Variants in SPPL2A observed in about 807,000 individuals in gnomAD.
SPPL2A encodes the protein signal peptide peptidase-like 2A.
A neutral mutation model predicts 63.8 loss-of-function variants in SPPL2A; 51 were observed. That is an observed-to-expected ratio of 0.80 (90% CI 0.64 to 1.01). SPPL2A has a LOEUF of 1.01. SPPL2A is among the 50% of genes least tolerant of loss of function. The probability of loss-of-function intolerance (pLI) is 0.00; values close to 1 mark genes in which losing one functional copy is unlikely to be tolerated. For missense variants in SPPL2A, 553 were observed against 622.7 expected (o/e 0.89, Z 1.19); for synonymous variants, 188 against 205.8 (o/e 0.91, Z 0.74).
At chr15:50,742,286 A>G (rs1343643176) in intron 5 of SPPL2A, among the ~76,000 whole-genome samples, 1 of 152,024 alleles carries the variant, frequency 6.6e-6, no homozygotes, top group Non-Finnish European at 1.5e-5. Context: ...GGTGCATGGG[A>G]GGCTGAGGCA....
At chr15:50,723,917 G>A (rs1231709552) in intron 12 of SPPL2A, among the ~76,000 whole-genome samples, 2 of 152,128 alleles carry the variant, frequency 1.3e-5, no homozygotes, top group Admixed American at 6.6e-5. Context: ...CTGCTCTTTG[G>A]AGAAATATTT....
intron 14 of SPPL2A, among the ~76,000 whole-genome samples, chr15:50,711,204 TC>T (rs1299538552): frequency 5.2e-4 from 76 of 145,590 alleles, no homozygotes; most frequent in African/African-American, 1.8e-3. Flanking sequence ...CAAATTAGTA[TC>T]CTTTTTTTTT....
intron 5 of SPPL2A, among the ~76,000 whole-genome samples, chr15:50,740,175 T>C (rs2062807224): frequency 6.6e-6 from 1 of 152,048 alleles, no homozygotes; most frequent in South Asian, 2.1e-4. Flanking sequence ...ATGCCTGTAA[T>C]CCCAGCACTT....
intron 1 of SPPL2A, among the ~76,000 whole-genome samples, chr15:50,761,339 G>A (rs905568356): frequency 6.6e-5 from 10 of 152,240 alleles, no homozygotes; most frequent in South Asian, 4.1e-4. Flanking sequence ...CAGAGCTGCC[G>A]GGCACGGTGG....
chr15:50,736,743 G>GA lies in SPPL2A; in HGVS notation c.734-4dup, dbSNP rs1232208900. 3.3e-6 allele frequency: 5 copies of GA among 1,517,494 alleles called. No homozygotes were observed. Among genetic ancestry groups the GA allele is most frequent in the East Asian group, 2.3e-5 (1 of 44,178 alleles). The allele number at this position is 1,517,494 out of a possible 1,614,324, so 94.0% of individuals were successfully genotyped here. ...GAAAATTGCTATCATAACATAAACT[G>GA]AAAAAAACAAAACACTAAATTACAT... is the stretch of plus-strand genomic sequence containing the variant. On this transcript the variant is annotated splice_polypyrimidine_tract_variant and splice_region_variant and intron_variant, in intron 6 of 14. Transcript: ENST00000261854.
In SPPL2A at chr15:50,722,152, A is replaced by G. The variant is rs2062653531; in HGVS notation, c.1299T>C (p.Ser433=). 1 of 1,597,564 alleles carries G rather than the reference A, an allele frequency of 6.3e-7. No homozygotes were observed. Among genetic ancestry groups the G allele is most frequent in the African/African-American group, 1.3e-5 (1 of 74,798 alleles). The change falls in exon 13 of 15, where the codon TCT becomes TCC. Residue 433 remains serine, a synonymous_variant. Transcript: ENST00000261854. ...CRRFDVQTGS[S]YIYYVSSTVA... Reference sequence around the variant, plus strand: ...CTGTAGACGAAACATAGTATATGTAAGAAGAACCAGTCTGAACATCAAATC... The same window carrying G: ...CTGTAGACGAAACATAGTATATGTAGGAAGAACCAGTCTGAACATCAAATC...
chr15:50,737,699 T>A (rs1284741584), intron 6 of SPPL2A, among the ~76,000 whole-genome samples: 1 of 152,014 alleles, frequency 6.6e-6, no homozygotes, highest in Non-Finnish European at 1.5e-5. Flanking sequence ...GTGATCCACT[T>A]ACTTTGGCCT....
intron 14 of SPPL2A, among the ~76,000 whole-genome samples, chr15:50,710,284 G>A (rs1374797646): frequency 1.3e-5 from 2 of 152,112 alleles, no homozygotes; most frequent in Admixed American, 1.3e-4. Flanking sequence ...ACAGTAGGTA[G>A]TGAGTCAGTC....
chr15:50,734,391 T>C (rs2062754092), intron 8 of SPPL2A, among the ~76,000 whole-genome samples: 1 of 152,160 alleles, frequency 6.6e-6, no homozygotes, highest in Admixed American at 6.6e-5. Context: ...GACATCATGT[T>C]AAGTGAAATA....
chr15:50,750,585 A>G (rs893306999), intron 1 of SPPL2A, among the ~76,000 whole-genome samples: 4 of 152,228 alleles, frequency 2.6e-5, no homozygotes, highest in African/African-American at 9.6e-5. Flanking sequence ...AAAAAGACCA[A>G]TCCAGAATTT....
chr15:50,756,204 C>CA (rs1390521503), intron 1 of SPPL2A, among the ~76,000 whole-genome samples: 1 of 151,274 alleles, frequency 6.6e-6, no homozygotes, highest in African/African-American at 2.4e-5. Flanking sequence ...ACTAAAAATA[C>CA]AAAAAAATTA....
intron 1 of SPPL2A, among the ~76,000 whole-genome samples, chr15:50,751,369 G>A (rs953054977): frequency 2.6e-5 from 4 of 152,118 alleles, no homozygotes; most frequent in African/African-American, 7.2e-5. Context: ...AGTCACTAAC[G>A]TAACCTACCT....
Position 50,726,373 on chromosome 15 carries a change from C to T in SPPL2A, c.1094G>A (p.Gly365Asp), listed in dbSNP as rs1312802026. 1.2e-6 allele frequency: 2 copies of T among 1,613,420 alleles called. No homozygotes were observed. Among genetic ancestry groups the T allele is most frequent in the Non-Finnish European group, 1.7e-6 (2 of 1,179,518 alleles). The change falls in exon 11 of 15, where the codon GGT becomes GAT. Residue 365 changes from glycine to aspartate, a missense_variant. Transcript: ENST00000261854. ...VFITPFITKN[G>D]ESIMVELAAG... Reference sequence around the variant, plus strand: ...TGCGAGTTCAACCATGATACTCTCACCATTCTAAAATTGAGAAGGAAAAGA... The same window carrying T: ...TGCGAGTTCAACCATGATACTCTCATCATTCTAAAATTGAGAAGGAAAAGA...
At position 50,709,204 on chromosome 15, in the gene SPPL2A, GTATT is replaced by G. The variant is rs71787604; in HGVS notation, c.1489-1334_1489-1331del. On this transcript the variant is annotated intron_variant, in intron 14 of 14. Coordinates refer to ENST00000261854, the MANE Select transcript of SPPL2A (RefSeq NM_032802.4). Reference sequence around the variant, plus strand: ...ATACAATTACTAAAAATAGAAAAAAGTATTTAATGCCTTTGTGAAGACTGTTAAA... The same window carrying G: ...ATACAATTACTAAAAATAGAAAAAAGTAATGCCTTTGTGAAGACTGTTAAA... Among the ~76,000 whole-genome samples the G allele has an allele frequency of 8.3e-3, 1,268 of 152,192 alleles. 27 individuals are homozygous for G. Among genetic ancestry groups the G allele is most frequent in the African/African-American group, 0.029 (1,215 of 41,530 alleles).
At position 50,703,291 on chromosome 15, in the gene SPPL2A, A is replaced by G. The variant is rs1461218332; in HGVS notation, c.*4509T>C. The stretch of plus-strand genomic sequence containing the variant: ...TTGGTTAAGATCAGGCTGAAATTTT[A>G]GAGATTAAGCCTAAATAAATTAGTT... On this transcript the variant is annotated 3_prime_UTR_variant, in exon 15 of 15. Coordinates refer to ENST00000261854, the MANE Select transcript of SPPL2A (RefSeq NM_032802.4). 5.5e-5 allele frequency: 8 copies of G among 144,578 alleles called. No individual in the cohort carries two copies. The highest frequency in any genetic ancestry group is 1.8e-4 in the African/African-American group (7 of 39,426). 9.0% of individuals were successfully genotyped at this position (144,578 alleles called of 1,614,324 possible). A position where few individuals can be genotyped will look rare whatever the true frequency, so the allele number is the denominator to read the frequency against.
chr15:50,722,066 G>A (rs2062652398), intron 13 of SPPL2A, 58 bp downstream of exon 13: 1 of 959,846 alleles, frequency 1.0e-6, no homozygotes, highest in Admixed American at 1.8e-5. Context: ...TTAGACCTCT[G>A]TCTTTTCCTC....
At chr15:50,753,104 T>A (rs1239165711) in intron 1 of SPPL2A, among the ~76,000 whole-genome samples, 1 of 152,188 alleles carries the variant, frequency 6.6e-6, no homozygotes, top group Non-Finnish European at 1.5e-5. Flanking sequence ...TACATTATGA[T>A]ATGCACAGTA....
At position 50,704,966 on chromosome 15, in the gene SPPL2A, T is replaced by C. The variant is rs1344545001; in HGVS notation, c.*2834A>G. On this transcript the variant is annotated 3_prime_UTR_variant, in exon 15 of 15. Coordinates refer to ENST00000261854, the MANE Select transcript of SPPL2A (RefSeq NM_032802.4). ...AGATTTCTGGATGTACCAGTTACTA[T>C]GCTACTGAGGAGATACATCTAGTTG... The C allele has an allele frequency of 6.6e-6, 1 of 152,230 alleles. No individual in the cohort carries two copies. Among genetic ancestry groups the C allele is most frequent in the Non-Finnish European group, 1.5e-5 (1 of 68,040 alleles). The allele number at this position is 152,230 out of a possible 1,614,324, so 9.4% of individuals were successfully genotyped here. A position where few individuals can be genotyped will look rare whatever the true frequency, so the allele number is the denominator to read the frequency against.
At chr15:50,734,226 A>G (rs1409087623) in intron 8 of SPPL2A, among the ~76,000 whole-genome samples, 1 of 152,202 alleles carries the variant, frequency 6.6e-6, no homozygotes, top group Non-Finnish European at 1.5e-5. Flanking sequence ...CGCCATAGCC[A>G]AGATATGGAA....
Sources: allele counts gnomAD v4.1 joint callset (sites outside exome capture counted in the v4.1 genomes callset), GRCh38; gene constraint gnomAD v4.1.1; transcripts MANE v1.5; gene names NCBI Gene and HGNC (gene_info 2026-07-23, HGNC 2026-07-21).